The following GPRC5B variants were observed in gnomAD, a reference collection of about 807,000 sequenced individuals.
GPRC5B encodes G protein-coupled receptor class C group 5 member B, also known as G protein-coupled receptor family C group 5 member B.
Under a neutral mutation model 30.1 loss-of-function variants are expected in GPRC5B, and 16 were observed. The ratio of observed to expected loss-of-function variants is 0.53; its 90% CI spans 0.36 to 0.81. The LOEUF (loss-of-function observed/expected upper bound fraction) is 0.81, where lower values mean the gene tolerates loss of function less well. GPRC5B is among the 30% of genes least tolerant of loss of function. GPRC5B has a pLI of 0.01. For synonymous variants in GPRC5B, 241 were observed against 239.5 expected (o/e 1.01, Z -0.06); for missense variants, 428 against 544.7 (o/e 0.79, Z 2.13).
At chr16:19,885,273 G>T, upstream of GPRC5B, 2 of 1,283,034 alleles carry the variant, frequency 1.6e-6, no homozygotes, top group South Asian at 1.2e-5. This position sits in a 1 kb window ranked among gnomAD's most constrained non-coding sequence, Gnocchi z 5.3. Flanking sequence ...CTCCAAGGGG[G>T]GTTCATAAGC....
intron 1 of GPRC5B, chr16:19,882,395 A>G (rs1317109045): frequency 1.3e-5 from 2 of 152,196 alleles, no homozygotes; most frequent in Non-Finnish European, 2.9e-5. Flanking sequence ...TCCGAGAAGA[A>G]AATGTGACTA....
At chr16:19,884,551 T>C (rs867122065) in intron 1 of GPRC5B, among the ~76,000 whole-genome samples, 176 bp downstream of exon 1, 1 of 120,604 alleles carries the variant, frequency 8.3e-6, no homozygotes. Context: ...CGTCGCACCG[T>C]GGTTCCCCTC....
intron 2 of GPRC5B, among the ~76,000 whole-genome samples, chr16:19,868,524 C>G (rs950521561): frequency 1.1e-4 from 17 of 152,242 alleles, no homozygotes; most frequent in Admixed American, 7.8e-4. Context: ...AGCTCCCGAT[C>G]TCTGCTCACG....
chr16:19,883,747 C>T (rs545754524), intron 1 of GPRC5B, among the ~76,000 whole-genome samples: 4 of 152,206 alleles, frequency 2.6e-5, no homozygotes, highest in Admixed American at 1.3e-4. Flanking sequence ...CCTTAGCGAA[C>T]GGGGGACGGA....
At chr16:19,879,508 A>C (rs879814007) in intron 1 of GPRC5B, among the ~76,000 whole-genome samples, 1 of 146,456 alleles carries the variant, frequency 6.8e-6, no homozygotes, top group Admixed American at 6.7e-5. Context: ...GTGGAGGAAC[A>C]GCACACTCTA....
intron 1 of GPRC5B, chr16:19,882,116 C>T (rs1008773074): frequency 6.6e-6 from 1 of 152,312 alleles, no homozygotes. Context: ...CTCTTTCCCA[C>T]ACCCCCAATT....
Position 19,872,290 on chromosome 16 carries a change from G to A in GPRC5B, c.556C>T (p.Leu186=), listed in dbSNP as rs753919201. 2 of 1,613,802 alleles carry A rather than the reference G, an allele frequency of 1.2e-6. No individual in the cohort carries two copies. Among genetic ancestry groups the A allele is most frequent in the Admixed American group, 1.7e-5 (1 of 60,028 alleles). Residue 186 remains leucine (L), a synonymous_variant, in exon 2 of 4, where the codon CTG becomes TTG. Transcript: ENST00000300571. The surrounding 1 kb of genome is among the most constrained non-coding windows in gnomAD (Gnocchi z 5.0). ...GCGCAGGCTGGCCTTGTGTCACGCAGCACGGTGAGCACCAGCCACTCCACA... is the reference window on the plus strand; with the variant it reads ...GCGCAGGCTGGCCTTGTGTCACGCAACACGGTGAGCACCAGCCACTCCACA... ...IAVEWLVLTV[L]RDTRPACAYE...
chr16:19,863,639 ACCACAAGCACGTGCCACCATG>A (rs1208658820), intron 2 of GPRC5B, among the ~76,000 whole-genome samples: 1 of 151,690 alleles, frequency 6.6e-6, no homozygotes, highest in Non-Finnish European at 1.5e-5. Context: ...AGTAGCTAGG[ACCACAAGCACGTGCCACCATG>A]CCCAGCTAAT....
intron 1 of GPRC5B, among the ~76,000 whole-genome samples, chr16:19,873,823 G>C (rs1003584703): frequency 1.3e-5 from 2 of 152,120 alleles, no homozygotes; most frequent in African/African-American, 4.8e-5. Context: ...TGTCGCCCAG[G>C]CTGGAGTGCA....
At chr16:19,874,836 C>A (rs1203969078) in intron 1 of GPRC5B, 1 of 151,316 alleles carries the variant, frequency 6.6e-6, no homozygotes, top group Non-Finnish European at 1.5e-5. Context: ...CTGTCCCCTA[C>A]CTCACGGCTA....
At position 19,872,472 on chromosome 16, in the gene GPRC5B, C is replaced by T. The variant is rs1003645288; in HGVS notation, c.374G>A (p.Arg125His). 2.1e-5 allele frequency: 34 copies of T among 1,613,744 alleles called. No homozygotes were observed. The highest frequency in any genetic ancestry group is 2.6e-5 in the Non-Finnish European group (31 of 1,179,864). Residue 125 changes from arginine (R) to histidine (H), a missense_variant, in exon 2 of 4, where the codon CGC becomes CAC. Physicochemically the swap from Arg to His is conservative, Grantham distance 29. This residue lies in a region of GPRC5B where 196 missense variants were observed against 272.6 expected (regional missense o/e 0.72). Transcript: ENST00000300571. This position sits in a 1 kb window ranked among gnomAD's most constrained non-coding sequence, Gnocchi z 5.0. ...IQEDETICSV[R>H]RFLWGVLFAL... ...AAAGAGGACGCCCCAGAGGAAGCGG[C>T]GGACAGAGCAGATGGTCTCGTCCTC...
chr16:19,867,957 C>T (rs967830104), intron 2 of GPRC5B, among the ~76,000 whole-genome samples: 2 of 152,166 alleles, frequency 1.3e-5, no homozygotes, highest in African/African-American at 4.8e-5. Context: ...AGTCCTGCTA[C>T]TCAGGAGGCT....
upstream of GPRC5B, chr16:19,884,904 A>T: frequency 1.0e-6 from 1 of 954,300 alleles, no homozygotes; most frequent in Non-Finnish European, 1.2e-6. Flanking sequence ...GCGCTGCTGC[A>T]GCGGCCGCGG....
chr16:19,885,413 G>A (rs947239213), upstream of GPRC5B: 1 of 1,156,100 alleles, frequency 8.6e-7, no homozygotes, highest in African/African-American at 1.7e-5. The surrounding 1 kb of genome is among the most constrained non-coding windows in gnomAD (Gnocchi z 5.3). Context: ...GCCTCCTCCA[G>A]GCAGGTTCCT....
In GPRC5B at chr16:19,858,348, A is replaced by C; in HGVS notation, c.*2152T>G. ...GGGGGGAAAAAGGTCTCATTAAATGAGGCTTCCCATGGCTCAAAGATGGCT... is the reference window on the plus strand; with the variant it reads ...GGGGGGAAAAAGGTCTCATTAAATGCGGCTTCCCATGGCTCAAAGATGGCT... On this transcript the variant is annotated 3_prime_UTR_variant, in exon 4 of 4. Transcript: ENST00000300571. The C allele has an allele frequency of 2.2e-6, 1 of 447,414 alleles. No individual in the cohort carries two copies. The highest frequency in any genetic ancestry group is 4.0e-6 in the Non-Finnish European group (1 of 252,514). 27.7% of individuals were successfully genotyped at this position (447,414 alleles called of 1,614,324 possible). A position where few individuals can be genotyped will look rare whatever the true frequency, so the allele number is the denominator to read the frequency against.
intron 1 of GPRC5B, among the ~76,000 whole-genome samples, chr16:19,879,914 C>T (rs1415995360): frequency 2.6e-5 from 4 of 152,090 alleles, no homozygotes; most frequent in Non-Finnish European, 5.9e-5. Flanking sequence ...GCAGGCAAAT[C>T]GCTTGAGCCC....
rs1457511485 is a variant in GPRC5B at position 19,858,044 on chromosome 16, T to TC, written c.*2455dup. The stretch of plus-strand genomic sequence containing the variant: ...CAGATGCTCTCCTCCCGGGTCGTTT[T>TC]CCCCAAACGAGTCTTGTTTACACAC... On this transcript the variant is annotated 3_prime_UTR_variant, in exon 4 of 4. Coordinates refer to ENST00000300571, the MANE Select transcript of GPRC5B (RefSeq NM_016235.3). 1 of 154,722 alleles carries TC rather than the reference T, an allele frequency of 6.5e-6. No homozygotes were observed. Among genetic ancestry groups the TC allele is most frequent in the Admixed American group, 6.5e-5 (1 of 15,340 alleles). 9.6% of individuals were successfully genotyped at this position (154,722 alleles called of 1,614,324 possible).
upstream of GPRC5B, chr16:19,885,584 A>C: frequency 9.5e-7 from 1 of 1,055,492 alleles, no homozygotes; most frequent in Non-Finnish European, 1.1e-6. The surrounding 1 kb of genome is among the most constrained non-coding windows in gnomAD (Gnocchi z 5.3). Flanking sequence ...CACCACCCCT[A>C]CCGCACACAT....
chr16:19,881,985 G>A (rs2056811022), intron 1 of GPRC5B: 1 of 152,242 alleles, frequency 6.6e-6, no homozygotes, highest in South Asian at 2.1e-4. Flanking sequence ...TGGGGCTGCA[G>A]AGCCAGATCC....
Sources: allele counts gnomAD v4.1 joint callset (sites outside exome capture counted in the v4.1 genomes callset), GRCh38; gene constraint gnomAD v4.1.1; regional missense constraint gnomAD v4.1.1; non-coding constraint Gnocchi (gnomAD v3.1); transcripts MANE v1.5; gene names NCBI Gene and HGNC (gene_info 2026-07-23, HGNC 2026-07-21).